The following ODAD2 variants were observed in gnomAD, a reference collection of about 807,000 sequenced individuals.
ODAD2 encodes outer dynein arm-docking complex subunit 2.
In ODAD2, 89 loss-of-function variants were observed where a neutral mutation model predicts 106.8. The observed-to-expected ratio is 0.83, with a 90% CI of 0.70 to 0.99. The LOEUF is 0.99. Ranked by LOEUF, ODAD2 falls within the 50% of genes least tolerant of loss-of-function variation. The probability of loss-of-function intolerance (pLI) is 0.00; values close to 1 mark genes in which losing one functional copy is unlikely to be tolerated. For missense variants in ODAD2, 1,168 were observed against 1,238.5 expected (o/e 0.94, Z 0.85); for synonymous variants, 404 against 436.2 (o/e 0.93, Z 0.92).
intron 19 of ODAD2, among the ~76,000 whole-genome samples, chr10:27,818,183 C>T (rs1450972018): frequency 6.6e-6 from 1 of 151,776 alleles, no homozygotes; most frequent in African/African-American, 2.4e-5. Flanking sequence ...TTCCTCACTT[C>T]TGCTTTCTGA....
At chr10:27,860,560 C>T (rs754032308) in intron 19 of ODAD2, 65 bp downstream of exon 19, 149 of 1,471,640 alleles carry the variant, frequency 1.0e-4, no homozygotes, top group Non-Finnish European at 1.3e-4. Flanking sequence ...CTTAGTGATG[C>T]CTAAGTTTCT....
chr10:27,955,784 A>C (rs1465452613), intron 10 of ODAD2, among the ~76,000 whole-genome samples: 1 of 151,534 alleles, frequency 6.6e-6, no homozygotes, highest in Non-Finnish European at 1.5e-5. Context: ...TGAGCCCCAC[A>C]AATGCAGTCT....
intron 14 of ODAD2, 42 bp downstream of exon 14, chr10:27,939,855 G>T: frequency 7.8e-7 from 1 of 1,289,188 alleles, no homozygotes; most frequent in Non-Finnish European, 1.1e-6. Flanking sequence ...CTTAAACTAT[G>T]TGAGAAAGAA....
chr10:27,939,475 G>C (rs1288132335), intron 14 of ODAD2, among the ~76,000 whole-genome samples: 1 of 152,154 alleles, frequency 6.6e-6, no homozygotes, highest in Non-Finnish European at 1.5e-5. Flanking sequence ...CAGCACTTTG[G>C]GAGGCTGAGG....
rs370485050 is a variant in ODAD2 at position 27,944,285 on chromosome 10, C to A, written c.1680G>T (p.Ala560=). 1.2e-6 allele frequency: 2 copies of A among 1,613,992 alleles called. No homozygotes were observed. The highest frequency in any genetic ancestry group is 2.2e-5 in the South Asian group (2 of 91,072). The part of the protein sequence containing the change: ...SLKCLAAETI[A]NVAKFKRARR... ...GTGCTCTTTTAAACTTGGCAACATTCGCGATAGTCTCGGCTGCCAAACATT... is the reference window on the plus strand; with the variant it reads ...GTGCTCTTTTAAACTTGGCAACATTAGCGATAGTCTCGGCTGCCAAACATT... The change falls in exon 12 of 20, where the codon GCG becomes GCT. Residue 560 remains alanine, a synonymous_variant. Transcript: ENST00000305242.
intron 15 of ODAD2, among the ~76,000 whole-genome samples, chr10:27,935,782 A>T (rs1845929084): frequency 6.6e-6 from 1 of 150,484 alleles, no homozygotes; most frequent in Non-Finnish European, 1.5e-5. Context: ...ATAAAATTGC[A>T]CTCTGATATA....
chr10:27,903,577 A>G (rs1168677810), intron 17 of ODAD2, among the ~76,000 whole-genome samples: 2 of 152,236 alleles, frequency 1.3e-5, no homozygotes, highest in African/African-American at 4.8e-5. Flanking sequence ...AATCTCCTTA[A>G]GCTGATAACC....
chr10:27,944,417 T>A lies in ODAD2; in HGVS notation c.1548A>T (p.Lys516Asn). 6.2e-7 allele frequency: 1 copy of A among 1,613,764 alleles called. No homozygotes were observed. ...GATTATGACTGATTTCCTTCAGTATTTTTAATGAACCAATCTGTGTGAGAA... is the reference window on the plus strand; with the variant it reads ...GATTATGACTGATTTCCTTCAGTATATTTAATGAACCAATCTGTGTGAGAA... ...DEVKCKIGSLKILKEISHNPQ... is the reference protein window; with the variant it reads ...DEVKCKIGSLNILKEISHNPQ... Residue 516 changes from lysine (K) to asparagine (N), a missense_variant, in exon 12 of 20, where the codon AAA becomes AAT. Lys to Asn is a moderately conservative substitution (Grantham distance 94). This residue lies in a region of ODAD2 where 701 missense variants were observed against 712.3 expected (regional missense o/e 0.98). Transcript: ENST00000305242.
At chr10:27,924,022 GA>G (rs879886979) in intron 16 of ODAD2, among the ~76,000 whole-genome samples, 1 of 132,862 alleles carries the variant, frequency 7.5e-6, no homozygotes, top group African/African-American at 3.0e-5. Flanking sequence ...AAGAAAGAAA[GA>G]AGGAAAGAGA....
chr10:27,969,317 C>T (rs181450273), intron 8 of ODAD2, among the ~76,000 whole-genome samples: 12 of 151,862 alleles, frequency 7.9e-5, no homozygotes, highest in African/African-American at 1.2e-4. Context: ...TATGTATCGC[C>T]GCCAATTATA....
intron 7 of ODAD2, among the ~76,000 whole-genome samples, chr10:27,978,248 A>G (rs1422875269): frequency 2.6e-5 from 4 of 152,190 alleles, no homozygotes; most frequent in South Asian, 2.1e-4. Flanking sequence ...TGCACAAACC[A>G]TACCACAAAA....
rs113918983 is a variant in ODAD2, at chr10:27,932,646, G to C, written c.2495+2364C>G. 3.6e-3 allele frequency among the ~76,000 whole-genome samples: 541 copies of C among 152,256 alleles called. 2 individuals carry two copies. Among genetic ancestry groups the C allele is most frequent in the African/African-American group, 0.012 (515 of 41,564 alleles). On this transcript the variant is annotated intron_variant, in intron 16 of 19. Coordinates refer to ENST00000305242, the MANE Select transcript of ODAD2 (RefSeq NM_018076.5). ...CATGTTGGCTACTCCTGTCTGATAT[G>C]TTCATGCAAGCTGCCTCCTTCTCAG... is the stretch of plus-strand genomic sequence containing the variant.
At chr10:27,958,093 ATATACT>A (rs549172519) in intron 10 of ODAD2, among the ~76,000 whole-genome samples, 141 of 152,288 alleles carry the variant, frequency 9.3e-4, no homozygotes, top group African/African-American at 3.2e-3. Context: ...TCATTTATAG[ATATACT>A]TTTCCTTTTA....
chr10:27,823,147 G>A (rs1342923620), intron 19 of ODAD2, among the ~76,000 whole-genome samples: 1 of 152,152 alleles, frequency 6.6e-6, no homozygotes, highest in African/African-American at 2.4e-5. Flanking sequence ...TGCCTGCCCA[G>A]GGCAGAAGCT....
At chr10:27,846,077 T>C (rs1223358441) in intron 19 of ODAD2, among the ~76,000 whole-genome samples, 1 of 152,192 alleles carries the variant, frequency 6.6e-6, no homozygotes, top group East Asian at 1.9e-4. Context: ...GTGGACCTAA[T>C]AGACATCCAC....
intron 19 of ODAD2, among the ~76,000 whole-genome samples, chr10:27,823,949 G>A (rs1836821619): frequency 8.5e-6 from 1 of 117,812 alleles, no homozygotes; most frequent in African/African-American, 4.6e-5. Flanking sequence ...GACCATCCTG[G>A]CTAACACGGT....
intron 7 of ODAD2, among the ~76,000 whole-genome samples, chr10:27,979,660 TGAA>T (rs1309467459): frequency 3.9e-5 from 6 of 152,042 alleles, no homozygotes; most frequent in South Asian, 2.1e-4. Context: ...GTAAATATAA[TGAA>T]GGAGAAAAAC....
intron 12 of ODAD2, 24 bp downstream of exon 12, chr10:27,944,198 G>T: frequency 6.3e-7 from 1 of 1,593,482 alleles, no homozygotes; most frequent in East Asian, 2.3e-5. Flanking sequence ...ACTAGATGAC[G>T]ATGACAACAT....
chr10:27,981,421 A>G (rs1401461774), intron 7 of ODAD2, 45 bp downstream of exon 7: 12 of 1,425,564 alleles, frequency 8.4e-6, no homozygotes, highest in Non-Finnish European at 1.1e-5. Flanking sequence ...GTTGTAGTTT[A>G]GTAACATAAT....
Sources: allele counts gnomAD v4.1 joint callset (sites outside exome capture counted in the v4.1 genomes callset), GRCh38; gene constraint gnomAD v4.1.1; regional missense constraint gnomAD v4.1.1; transcripts MANE v1.5; gene names NCBI Gene and HGNC (gene_info 2026-07-23, HGNC 2026-07-21).